The following THSD7B variants were observed in gnomAD, a reference collection of about 807,000 sequenced individuals.
THSD7B encodes the protein thrombospondin type-1 domain-containing protein 7B.
A neutral mutation model predicts 213.6 loss-of-function variants in THSD7B; 138 were observed. The observed-to-expected ratio is 0.65, with a 90% CI of 0.56 to 0.74. The LOEUF (loss-of-function observed/expected upper bound fraction) is 0.74. Among genes scored for constraint, THSD7B ranks in the 30% least tolerant of loss-of-function variants. THSD7B has a pLI of 0.00. For missense variants in THSD7B, 1,931 were observed against 1,991.5 expected, an observed-to-expected ratio of 0.97 and a Z score of 0.58; for synonymous variants, 742 against 687.0, an observed-to-expected ratio of 1.08 and a Z score of -1.25.
At chr2:137,185,475 A>G (rs970279215) in intron 7 of THSD7B, among the ~76,000 whole-genome samples, 1 of 152,120 alleles carries the variant, frequency 6.6e-6, no homozygotes, top group East Asian at 1.9e-4. Flanking sequence ...ACTCCCACTG[A>G]TAAGTGAGGA....
chr2:136,977,605 T>C, intron 2 of THSD7B, among the ~76,000 whole-genome samples: 1 of 152,158 alleles, frequency 6.6e-6, no homozygotes. Context: ...CTTAGTGCTA[T>C]AAATTTCCCT....
chr2:137,272,534 A>G lies in THSD7B; in HGVS notation c.2268A>G (p.Gly756=), dbSNP rs1682769759. Residue 756 remains glycine (G), a splice_region_variant and synonymous_variant, in exon 11 of 28, where the codon GGA becomes GGG. Transcript: ENST00000409968. ...WTPCPRMCQA[G]NATVKQSRYR... is the part of the protein sequence containing the mutation. ...AATTTTCTTTTTCCTTTACTTCAGG[A>G]AATGCCACAGTAAAACAGTCTCGAT... The G allele has an allele frequency of 6.2e-7, 1 of 1,602,708 alleles. No homozygotes were observed. The highest frequency in any genetic ancestry group is 8.5e-7 in the Non-Finnish European group (1 of 1,176,708).
chr2:137,470,355 C>G (rs1043783599), intron 15 of THSD7B, among the ~76,000 whole-genome samples: 1 of 152,164 alleles, frequency 6.6e-6, no homozygotes, highest in Non-Finnish European at 1.5e-5. Flanking sequence ...AAAGGATAAA[C>G]AGATTTCTTG....
chr2:137,450,603 G>A (rs1257968347), intron 14 of THSD7B, among the ~76,000 whole-genome samples: 1 of 152,198 alleles, frequency 6.6e-6, no homozygotes, highest in African/African-American at 2.4e-5. Context: ...AGGACTAACT[G>A]TGCACTTTTT....
chr2:136,994,756 A>G (rs1223037305), intron 2 of THSD7B, among the ~76,000 whole-genome samples: 1 of 152,230 alleles, frequency 6.6e-6, no homozygotes, highest in East Asian at 1.9e-4. Context: ...CACATTATAT[A>G]AATAATAAGC....
chr2:137,309,986 T>C (rs1409237930), intron 12 of THSD7B, among the ~76,000 whole-genome samples: 1 of 151,630 alleles, frequency 6.6e-6, no homozygotes, highest in Non-Finnish European at 1.5e-5. Context: ...TGTGTCTTTA[T>C]AGCAGCATGA....
intron 7 of THSD7B, among the ~76,000 whole-genome samples, chr2:137,195,549 G>A (rs1287398527): frequency 6.6e-6 from 1 of 151,868 alleles, no homozygotes; most frequent in East Asian, 1.9e-4. Flanking sequence ...CACTTTGAAG[G>A]GATTTCTACT....
chr2:137,266,961 T>A (rs1469720861), intron 10 of THSD7B, among the ~76,000 whole-genome samples: 1 of 152,192 alleles, frequency 6.6e-6, no homozygotes, highest in African/African-American at 2.4e-5. Flanking sequence ...TAATTCAGTG[T>A]GATGTTCCCC....
At chr2:137,450,157 G>A (rs146282593) in intron 14 of THSD7B, among the ~76,000 whole-genome samples, 17 of 152,210 alleles carry the variant, frequency 1.1e-4, no homozygotes, top group African/African-American at 3.6e-4. Context: ...TATATATTTG[G>A]TAGTGATTAT....
At chr2:137,138,214 T>G (rs1008317245) in intron 5 of THSD7B, among the ~76,000 whole-genome samples, 4 of 152,184 alleles carry the variant, frequency 2.6e-5, no homozygotes, top group African/African-American at 9.6e-5. Flanking sequence ...AGGATTTTTT[T>G]GTGAAAAATT....
At chr2:137,563,674 T>G (rs1681170109) in intron 16 of THSD7B, among the ~76,000 whole-genome samples, 2 of 152,154 alleles carry the variant, frequency 1.3e-5, no homozygotes. Context: ...AGATTCTGAC[T>G]GTGTTGCCAT....
Position 136,906,936 on chromosome 2 carries a change from G to GTTTTTTTTTTTTTTTTTTTTTTT in THSD7B, c.139+24626_139+24648dup, listed in dbSNP as rs57887270. On this transcript the variant is annotated intron_variant, in intron 2 of 27. Coordinates refer to ENST00000409968, the MANE Select transcript of THSD7B (RefSeq NM_001316349.2). ...ATTCATAGATTCCTTACATTTCAAGGTTTTTTTTTTTTTTTTTTTTTTTTT... is the reference window on the plus strand; with the variant it reads ...ATTCATAGATTCCTTACATTTCAAGGTTTTTTTTTTTTTTTTTTTTTTTTTTTTTTTTTTTTTTTTTTTTTTTT... Among the ~76,000 whole-genome samples the GTTTTTTTTTTTTTTTTTTTTTTT allele has an allele frequency of 1.6e-4, 9 of 55,130 alleles. 1 individual carries two copies. Among genetic ancestry groups the GTTTTTTTTTTTTTTTTTTTTTTT allele is most frequent in the African/African-American group, 6.2e-4 (7 of 11,284 alleles). 36.2% of individuals were successfully genotyped at this position (55,130 alleles called of 152,430 possible).
intron 15 of THSD7B, among the ~76,000 whole-genome samples, chr2:137,496,279 G>A (rs975446751): frequency 2.7e-4 from 41 of 152,146 alleles, no homozygotes; most frequent in Admixed American, 3.9e-4. Flanking sequence ...GGTCTCCTAC[G>A]GCCAAAGACT....
intron 12 of THSD7B, among the ~76,000 whole-genome samples, chr2:137,286,124 A>G (rs1683172115): frequency 6.6e-6 from 1 of 151,736 alleles, no homozygotes; most frequent in Admixed American, 6.6e-5. Context: ...GATTTATATC[A>G]TTTTCCAACG....
intron 2 of THSD7B, among the ~76,000 whole-genome samples, chr2:136,916,251 G>A (rs1035829031): frequency 6.6e-6 from 1 of 152,226 alleles, no homozygotes; most frequent in Non-Finnish European, 1.5e-5. Context: ...GAATTGGGTT[G>A]TAAGAGCATA....
At chr2:137,376,408 C>T (rs1021535775) in intron 12 of THSD7B, among the ~76,000 whole-genome samples, 4 of 152,188 alleles carry the variant, frequency 2.6e-5, no homozygotes, top group Non-Finnish European at 5.9e-5. Context: ...AGGTGAAGTG[C>T]AGCAGGTGAC....
intron 27 of THSD7B, among the ~76,000 whole-genome samples, chr2:137,670,357 C>A (rs910245214): frequency 6.6e-6 from 1 of 152,150 alleles, no homozygotes; most frequent in Admixed American, 6.5e-5. Flanking sequence ...AAGTCTTCCA[C>A]AACTGGAGCC....
intron 25 of THSD7B, among the ~76,000 whole-genome samples, chr2:137,662,385 G>T: frequency 6.6e-6 from 1 of 151,744 alleles, no homozygotes; most frequent in South Asian, 2.1e-4. Context: ...GCCCGGCCAG[G>T]TGTTTTCTAT....
At chr2:136,923,156 T>C (rs1292314663) in intron 2 of THSD7B, among the ~76,000 whole-genome samples, 1 of 152,208 alleles carries the variant, frequency 6.6e-6, no homozygotes, top group Non-Finnish European at 1.5e-5. Flanking sequence ...ATCTGCTTTC[T>C]GTTTCTGTGA....
Sources: allele counts gnomAD v4.1 joint callset (sites outside exome capture counted in the v4.1 genomes callset), GRCh38; gene constraint gnomAD v4.1.1; transcripts MANE v1.5; gene names NCBI Gene and HGNC (gene_info 2026-07-23, HGNC 2026-07-21).